TPM4: variants seen among roughly 807,000 people sequenced by gnomAD.
TPM4 encodes the protein tropomyosin 4.
Under a neutral mutation model 35.8 loss-of-function variants are expected in TPM4, and 17 were observed. The observed-to-expected ratio is 0.47, with a 90% CI of 0.32 to 0.71. TPM4 has a LOEUF of 0.71. Among genes scored for constraint, TPM4 ranks in the 30% least tolerant of loss-of-function variants. The probability of loss-of-function intolerance (pLI) is 0.03; values close to 1 mark genes in which losing one functional copy is unlikely to be tolerated. For synonymous variants in TPM4, 120 were observed against 122.9 expected (o/e 0.98, Z 0.15); for missense variants, 240 against 320.9 (o/e 0.75, Z 1.93).
At position 16,067,819 on chromosome 19, in the gene TPM4, G is replaced by T; in HGVS notation, c.114+81G>T. ...AGGCCGGGGTCTGGAGCCCAGTTGG[G>T]GGTCGCAGACACCTGCGGGAGGATA... On this transcript the variant is annotated intron_variant, in intron 2 of 2. Coordinates refer to the TPM4 transcript ENST00000589897. This position sits in a 1 kb window ranked among gnomAD's most constrained non-coding sequence, Gnocchi z 4.1. 1 of 1,370,932 alleles carries T rather than the reference G, an allele frequency of 7.3e-7. No individual in the cohort carries two copies. Among genetic ancestry groups the T allele is most frequent in the Non-Finnish European group, 1.0e-6 (1 of 1,002,062 alleles). 84.9% of individuals were successfully genotyped at this position (1,370,932 alleles called of 1,614,324 possible). A position where few individuals can be genotyped will look rare whatever the true frequency, so the allele number is the denominator to read the frequency against.
upstream of TPM4, chr19:16,076,329 C>T: frequency 1.3e-6 from 2 of 1,495,598 alleles, no homozygotes; most frequent in Non-Finnish European, 8.9e-7. Flanking sequence ...GGGCACTTTC[C>T]AGCAGCTGTG....
chr19:16,070,681 G>A lies in TPM4; in HGVS notation c.114+2943G>A, dbSNP rs1461116008. On this transcript the variant is annotated intron_variant, in intron 2 of 2. Coordinates refer to the TPM4 transcript ENST00000589897. The surrounding 1 kb of genome is among the most constrained non-coding windows in gnomAD (Gnocchi z 7.4). The stretch of plus-strand genomic sequence containing the variant: ...GGTGGAACCCTTGGCCCGGAGCCTA[G>A]CTCAGAGTAAGCACTCAATAAATGT... 6.6e-6 allele frequency among the ~76,000 whole-genome samples: 1 copy of A among 152,190 alleles called. No individual in the cohort carries two copies. The highest frequency in any genetic ancestry group is 1.5e-5 in the Non-Finnish European group (1 of 68,026).
intron 7 of TPM4, among the ~76,000 whole-genome samples, chr19:16,095,006 A>G (rs1457936315): frequency 6.6e-6 from 1 of 152,196 alleles, no homozygotes; most frequent in Non-Finnish European, 1.5e-5. Flanking sequence ...AAGCTCTGTC[A>G]CTTCTGGTTA....
chr19:16,075,490 C>T (rs2144915277), upstream of TPM4: 1 of 152,534 alleles, frequency 6.6e-6, no homozygotes, highest in South Asian at 2.0e-4. Context: ...AGGTCTGAGC[C>T]CTTCAGCCCT....
At position 16,102,848 on chromosome 19, in the gene TPM4, C is replaced by A. The variant is rs1334592990; in HGVS notation, c.*1502C>A. 1 of 228,030 alleles carries A rather than the reference C, an allele frequency of 4.4e-6. No homozygotes were observed. Among genetic ancestry groups the A allele is most frequent in the Non-Finnish European group, 8.7e-6 (1 of 115,046 alleles). 14.1% of individuals were successfully genotyped at this position (228,030 alleles called of 1,614,324 possible). ...ATCCCTTACCCACCCCACCCCACCA[C>A]CCTACTCCTATTTATTCAGCACCAC... On this transcript the variant is annotated 3_prime_UTR_variant, in exon 8 of 8. Coordinates refer to ENST00000643579, the MANE Select transcript of TPM4 (RefSeq NM_003290.3).
At chr19:16,087,618 C>G (rs1351054856) in intron 3 of TPM4, among the ~76,000 whole-genome samples, 2 of 152,022 alleles carry the variant, frequency 1.3e-5, no homozygotes, top group African/African-American at 2.4e-5. Context: ...TGTGGTGGCT[C>G]ATGCCTATAA....
At chr19:16,092,664 T>A (rs370454627) in intron 5 of TPM4, among the ~76,000 whole-genome samples, 3 of 151,758 alleles carry the variant, frequency 2.0e-5, no homozygotes, top group East Asian at 3.9e-4. Flanking sequence ...GCCTCCTGAG[T>A]AGCTGAGATT....
At chr19:16,096,988 C>G (rs2090708453) in intron 7 of TPM4, among the ~76,000 whole-genome samples, 1 of 119,602 alleles carries the variant, frequency 8.4e-6, no homozygotes, top group Non-Finnish European at 1.6e-5. Flanking sequence ...GGGTCTCACT[C>G]TGTTGCCCGG....
Position 16,088,067 on chromosome 19 carries a change from G to A in TPM4, c.425G>A (p.Arg142Lys). Residue 142 changes from arginine (R) to lysine (K), a missense_variant, in exon 4 of 8, where the codon AGG becomes AAG. Arg to Lys is a conservative substitution (Grantham distance 26). Transcript: ENST00000643579. ...GTCATCCTGGAGGGTGAGCTGGAGAGGGCAGAGGAGCGTGCGGAGGTGTCT... is the reference window on the plus strand; with the variant it reads ...GTCATCCTGGAGGGTGAGCTGGAGAAGGCAGAGGAGCGTGCGGAGGTGTCT... ...KLVILEGELE[R>K]AEERAEVSEL... The A allele has an allele frequency of 6.2e-7, 1 of 1,612,754 alleles. No homozygotes were observed. The highest frequency in any genetic ancestry group is 8.5e-7 in the Non-Finnish European group (1 of 1,179,660).
intron 7 of TPM4, among the ~76,000 whole-genome samples, 199 bp downstream of exon 7, chr19:16,093,952 CTTTT>C (rs35095689): frequency 5.1e-4 from 55 of 108,792 alleles, no homozygotes; most frequent in African/African-American, 1.9e-3. Flanking sequence ...TTGAATGGCC[CTTTT>C]TTTTTTTTTT....
At chr19:16,096,670 G>A (rs1309808210) in intron 7 of TPM4, among the ~76,000 whole-genome samples, 3 of 152,080 alleles carry the variant, frequency 2.0e-5, no homozygotes, top group Non-Finnish European at 4.4e-5. Context: ...TCACCTCCAC[G>A]CCCTGCCCTT....
chr19:16,076,667 G>A lies in TPM4; in HGVS notation c.102G>A (p.Glu34=), dbSNP rs760514442. 9.7e-5 allele frequency: 136 copies of A among 1,402,098 alleles called. 1 individual carries two copies. The highest frequency in any genetic ancestry group is 2.6e-4 in the Middle Eastern group (1 of 3,892). 86.9% of individuals were successfully genotyped at this position (1,402,098 alleles called of 1,614,324 possible). A position where few individuals can be genotyped will look rare whatever the true frequency, so the allele number is the denominator to read the frequency against. ...AEDRAQGLQR[E]LDGERERREK... ...ACCGCGCGCAGGGCCTGCAGCGGGA[G>A]CTGGACGGCGAGCGCGAGCGGCGCG... The change falls in exon 1 of 8, where the codon GAG becomes GAA. Residue 34 remains glutamate, a synonymous_variant. Coordinates refer to ENST00000643579, the MANE Select transcript of TPM4 (RefSeq NM_003290.3).
intron 2 of TPM4, chr19:16,068,026 C>A (rs1289458152): frequency 8.8e-6 from 4 of 453,262 alleles, no homozygotes; most frequent in Non-Finnish European, 1.6e-5. Context: ...AGCGAGGTGT[C>A]GTTTGCGCTG....
At chr19:16,086,273 C>T (rs2090550988) in intron 2 of TPM4, 150 bp from the exon 3 acceptor site, 1 of 625,538 alleles carries the variant, frequency 1.6e-6, no homozygotes, top group Non-Finnish European at 2.9e-6. Context: ...TCGCTTGAAC[C>T]CGGGAGGTGG....
At chr19:16,078,924 C>T (rs914147976) in intron 1 of TPM4, among the ~76,000 whole-genome samples, 4 of 151,076 alleles carry the variant, frequency 2.6e-5, no homozygotes, top group African/African-American at 7.3e-5. Flanking sequence ...CAGCTGGTTT[C>T]GTTTAGATTT....
chr19:16,098,965 C>T (rs1013022725), intron 7 of TPM4, among the ~76,000 whole-genome samples: 1 of 152,066 alleles, frequency 6.6e-6, no homozygotes, highest in Non-Finnish European at 1.5e-5. Flanking sequence ...GAAACTGGCT[C>T]GTCCAACATA....
At position 16,101,489 on chromosome 19, in the gene TPM4, T is replaced by C. The variant is rs2090763324; in HGVS notation, c.*143T>C. ...ATTATGAATACATGACCAAATATTT[T>C]GTATCGGAGAAGCTTTGAGCACCAG... On this transcript the variant is annotated 3_prime_UTR_variant, in exon 8 of 8. Transcript: ENST00000643579. 1.8e-6 allele frequency: 1 copy of C among 548,022 alleles called. No individual in the cohort carries two copies. Among genetic ancestry groups the C allele is most frequent in the East Asian group, 3.2e-5 (1 of 31,114 alleles). 33.9% of individuals were successfully genotyped at this position (548,022 alleles called of 1,614,324 possible).
intron 5 of TPM4, among the ~76,000 whole-genome samples, chr19:16,092,655 C>A (rs2090642709): frequency 6.6e-6 from 1 of 152,034 alleles, no homozygotes; most frequent in Non-Finnish European, 1.5e-5. Flanking sequence ...CATGCCTTAG[C>A]CTCCTGAGTA....
At chr19:16,088,962 T>C (rs1205675327) in intron 4 of TPM4, 83 bp from the exon 5 acceptor site, 11 of 1,600,198 alleles carry the variant, frequency 6.9e-6, no homozygotes, top group African/African-American at 1.3e-5. Flanking sequence ...GTTTCTCCTT[T>C]GGAAAATTTA....
Sources: gnomAD v4.1 joint callset for allele counts (sites outside exome capture counted in the v4.1 genomes callset) on GRCh38, gnomAD v4.1.1 for gene constraint, Gnocchi (gnomAD v3.1) non-coding constraint, MANE v1.5 for transcripts, NCBI Gene and HGNC (gene_info 2026-07-23, HGNC 2026-07-21) for gene names.